Variants in FAM107B observed in about 807,000 individuals in gnomAD.
FAM107B encodes the protein protein FAM107B.
FAM107B carries 21 observed loss-of-function variants against 31.5 expected under a neutral mutation model. The ratio of observed to expected loss-of-function variants is 0.67; its 90% CI spans 0.47 to 0.96. The LOEUF is 0.96. Among genes scored for constraint, FAM107B ranks in the 40% least tolerant of loss-of-function variants. The pLI is 0.00. For missense variants in FAM107B, 452 were observed against 377.1 expected (o/e 1.20, Z -1.64); for synonymous variants, 157 against 141.5 (o/e 1.11, Z -0.78).
chr10:14,679,080 T>C (rs1854764028), intron 1 of FAM107B, among the ~76,000 whole-genome samples: 1 of 152,186 alleles, frequency 6.6e-6, no homozygotes, highest in African/African-American at 2.4e-5. Flanking sequence ...AGTCCTGCCA[T>C]GCAGGAACTG....
At chr10:14,688,799 A>G (rs927379711) in intron 1 of FAM107B, among the ~76,000 whole-genome samples, 1 of 152,118 alleles carries the variant, frequency 6.6e-6, no homozygotes, top group Non-Finnish European at 1.5e-5. Flanking sequence ...CTGGTTTGCC[A>G]CTTCCCACAG....
At chr10:14,567,140 G>A (rs1258593511) in intron 2 of FAM107B, among the ~76,000 whole-genome samples, 4 of 152,182 alleles carry the variant, frequency 2.6e-5, no homozygotes, top group Non-Finnish European at 4.4e-5. Context: ...GTGACAGAGC[G>A]AGACTCTGTC....
At chr10:14,625,540 A>C (rs1468931835) in intron 2 of FAM107B, among the ~76,000 whole-genome samples, 1 of 152,162 alleles carries the variant, frequency 6.6e-6, no homozygotes, top group Non-Finnish European at 1.5e-5. Flanking sequence ...ACAGGGAAAC[A>C]GGAGGGCCCA....
At chr10:14,677,332 A>G (rs537979309) in intron 1 of FAM107B, among the ~76,000 whole-genome samples, 1 of 152,314 alleles carries the variant, frequency 6.6e-6, no homozygotes, top group African/African-American at 2.4e-5. Flanking sequence ...TTAAAGCTAC[A>G]GATACCTGGC....
chr10:14,774,532 G>A lies in FAM107B; in HGVS notation c.132C>T (p.Gly44=), dbSNP rs144503865. Residue 44 remains glycine, a synonymous_variant, in exon 1 of 5, where the codon GGC becomes GGT. Coordinates refer to ENST00000181796, the MANE Select transcript of FAM107B (RefSeq NM_031453.4). Reference sequence around the variant, plus strand: ...GGACGGTGGAATGAGTATCAGCCACGCCGGACTGATTGAAGGAAGCACTCT... The same window carrying A: ...GGACGGTGGAATGAGTATCAGCCACACCGGACTGATTGAAGGAAGCACTCT... ...TRESASFNQS[G]VADTHSTVRV... 82 of 1,614,182 alleles carry A rather than the reference G, an allele frequency of 5.1e-5. No individual in the cohort carries two copies. In the African/African-American group the frequency reaches 9.5e-4, roughly 19 times the overall value.
intron 2 of FAM107B, chr10:14,604,309 GC>G: frequency 2.1e-6 from 2 of 972,052 alleles, no homozygotes; most frequent in Non-Finnish European, 2.4e-6. Context: ...GCGCCCAGCG[GC>G]CCGACTGCTC....
chr10:14,548,587 G>C, intron 2 of FAM107B: 1 of 985,396 alleles, frequency 1.0e-6, no homozygotes, highest in Non-Finnish European at 1.2e-6. Flanking sequence ...AGATACACAT[G>C]GGAAGAAGGG....
rs1450635091 is a variant in FAM107B, at chr10:14,594,517, AC to A, written c.470-64003del. Among the ~76,000 whole-genome samples, 132 of 134,984 alleles carry A rather than the reference AC, an allele frequency of 9.8e-4. 1 individual carries two copies. Among genetic ancestry groups the A allele is most frequent in the African/African-American group, 3.8e-3 (128 of 33,662 alleles). The allele number at this position is 134,984 out of a possible 152,430, so 88.6% of individuals were successfully genotyped here. A position where few individuals can be genotyped will look rare whatever the true frequency, so the allele number is the denominator to read the frequency against. ...AGACCCTGCCAAAAAAAAAAAAAAA[AC>A]AAAAAAAAACAAAACTGGCAAATGC... On this transcript the variant is annotated intron_variant, in intron 2 of 4. Transcript: ENST00000181796.
chr10:14,716,482 G>C (rs1476957720), intron 1 of FAM107B, among the ~76,000 whole-genome samples: 1 of 152,228 alleles, frequency 6.6e-6, no homozygotes, highest in African/African-American at 2.4e-5. Flanking sequence ...ACCCAAGAGA[G>C]GGTGCAAGGA....
At chr10:14,688,735 A>G (rs948816308) in intron 1 of FAM107B, among the ~76,000 whole-genome samples, 3 of 152,156 alleles carry the variant, frequency 2.0e-5, no homozygotes, top group Admixed American at 2.0e-4. Context: ...CAGAGCTTCC[A>G]TTTTCCAGAC....
intron 2 of FAM107B, among the ~76,000 whole-genome samples, chr10:14,622,377 G>T (rs868516444): frequency 8.1e-5 from 12 of 148,328 alleles, no homozygotes; most frequent in Non-Finnish European, 1.6e-4. Context: ...GTGTGATCTC[G>T]GCTCACTGCA....
At chr10:14,719,681 T>G (rs769115107) in intron 1 of FAM107B, among the ~76,000 whole-genome samples, 2 of 152,170 alleles carry the variant, frequency 1.3e-5, no homozygotes, top group Non-Finnish European at 2.9e-5. Context: ...AGGGTATTTA[T>G]GTTCCTCTCT....
intron 2 of FAM107B, among the ~76,000 whole-genome samples, chr10:14,631,454 G>T (rs1853352275): frequency 6.6e-6 from 1 of 152,194 alleles, no homozygotes; most frequent in African/African-American, 2.4e-5. Flanking sequence ...ACAACTTTTA[G>T]AATCCATCTA....
At position 14,683,325 on chromosome 10, in the gene FAM107B, T is replaced by C. The variant is rs146149121; in HGVS notation, c.412-15634A>G. Among the ~76,000 whole-genome samples the C allele has an allele frequency of 5.8e-3, 886 of 152,330 alleles. 9 individuals carry two copies. The highest frequency in any genetic ancestry group is 0.019 in the African/African-American group (804 of 41,572). ...TTAAGGAAGAGGATAGGTGGTTCAG[T>C]TCTGCAACGGAATGAGTGATTGTTC... On this transcript the variant is annotated intron_variant, in intron 1 of 4. Coordinates refer to ENST00000181796, the MANE Select transcript of FAM107B (RefSeq NM_031453.4).
chr10:14,711,939 C>T lies in FAM107B; in HGVS notation c.412-44248G>A, dbSNP rs569426692. 2.8e-4 allele frequency among the ~76,000 whole-genome samples: 42 copies of T among 152,280 alleles called. 1 individual carries two copies. In the East Asian group the frequency reaches 7.7e-3, roughly 28 times the overall value. On this transcript the variant is annotated intron_variant, in intron 1 of 4. Coordinates refer to ENST00000181796, the MANE Select transcript of FAM107B (RefSeq NM_031453.4). ...GATTACAGGTGTGCGCCACCGCGCCCGGCCTCAAGATGTATCCCTGTTGTT... is the reference window on the plus strand; with the variant it reads ...GATTACAGGTGTGCGCCACCGCGCCTGGCCTCAAGATGTATCCCTGTTGTT...
chr10:14,588,487 G>C (rs1289618223), intron 2 of FAM107B, among the ~76,000 whole-genome samples: 1 of 152,138 alleles, frequency 6.6e-6, no homozygotes, highest in Admixed American at 6.5e-5. Flanking sequence ...ACGCTACCAG[G>C]GTCTACCCAT....
chr10:14,664,623 G>T (rs1282474115), intron 2 of FAM107B, among the ~76,000 whole-genome samples: 2 of 152,138 alleles, frequency 1.3e-5, no homozygotes, highest in African/African-American at 2.4e-5. Flanking sequence ...GTGTGTAGTA[G>T]GTTATACCAT....
intron 1 of FAM107B, among the ~76,000 whole-genome samples, chr10:14,694,544 C>G (rs570109235): frequency 6.6e-6 from 1 of 151,978 alleles, no homozygotes; most frequent in African/African-American, 2.4e-5. Flanking sequence ...CCACTATGCC[C>G]GGCTAATTTT....
intron 1 of FAM107B, among the ~76,000 whole-genome samples, chr10:14,768,586 C>T (rs1833233449): frequency 6.6e-6 from 1 of 152,192 alleles, no homozygotes; most frequent in South Asian, 2.1e-4. Context: ...TGGATATCTA[C>T]ATGCAAAAGA....
Sources: allele counts gnomAD v4.1 joint callset (sites outside exome capture counted in the v4.1 genomes callset), GRCh38; gene constraint gnomAD v4.1.1; transcripts MANE v1.5; gene names NCBI Gene and HGNC (gene_info 2026-07-23, HGNC 2026-07-21).